The following MARK1 variants were observed in gnomAD, a reference collection of about 807,000 sequenced individuals.
The protein encoded by MARK1 is microtubule affinity regulating kinase 1.
MARK1 carries 40 observed loss-of-function variants against 96.3 expected under a neutral mutation model. The ratio of observed to expected loss-of-function variants is 0.42; its 90% CI spans 0.32 to 0.54. MARK1 has a LOEUF of 0.54. Ranked by LOEUF, MARK1 falls within the 20% of genes least tolerant of loss-of-function variation. MARK1 has a pLI of 0.16. For missense variants in MARK1, 719 were observed against 984.6 expected (o/e 0.73, Z 3.61); for synonymous variants, 317 against 341.2 (o/e 0.93, Z 0.78).
intron 6 of MARK1, among the ~76,000 whole-genome samples, chr1:220,607,783 G>T (rs1022002185): frequency 1.3e-5 from 2 of 152,100 alleles, no homozygotes; most frequent in Admixed American, 6.6e-5. Flanking sequence ...GTTGAATTTT[G>T]TCAAAGGCCT....
rs1667656446 is a variant in MARK1, at chr1:220,631,100, G to A, written c.975G>A (p.Glu325=). 1 of 1,612,762 alleles carries A rather than the reference G, an allele frequency of 6.2e-7. No individual in the cohort carries two copies. The highest frequency in any genetic ancestry group is 1.3e-5 in the African/African-American group (1 of 74,878). ...HEEEELKPYT[E]PDPDFNDTKR... Reference sequence around the variant, plus strand: ...AGGAAGAACTAAAGCCATATACTGAGCCTGATCCGGATTTCAATGACACAA... The same window carrying A: ...AGGAAGAACTAAAGCCATATACTGAACCTGATCCGGATTTCAATGACACAA... The change falls in exon 10 of 18, where the codon GAG becomes GAA. Residue 325 remains glutamate (E), a synonymous_variant. Transcript: ENST00000366917.
intron 5 of MARK1, among the ~76,000 whole-genome samples, chr1:220,601,932 T>C (rs529240762): frequency 3.9e-5 from 6 of 152,330 alleles, no homozygotes; most frequent in Admixed American, 6.5e-5. Context: ...ATTCCTGCGA[T>C]AGGTTTTCTT....
At chr1:220,529,626 C>T (rs1470648618) in intron 1 of MARK1, among the ~76,000 whole-genome samples, 1 of 152,190 alleles carries the variant, frequency 6.6e-6, no homozygotes, top group African/African-American at 2.4e-5. Context: ...TGGAGTGTCA[C>T]AAGGTGCACA....
Position 220,653,140 on chromosome 1 carries a change from C to T in MARK1, c.1776C>T (p.His592=). The part of the protein sequence containing the change: ...QRVPAASPSA[H]SISTATPDRT... ...TGCCTGCTGCTTCCCCATCTGCTCA[C>T]AGTATTAGTACTGCGACTCCAGACC... is the stretch of plus-strand genomic sequence containing the variant. Residue 592 remains histidine, a synonymous_variant, in exon 16 of 18, where the codon CAC becomes CAT. Transcript: ENST00000366917. 1 of 1,614,222 alleles carries T rather than the reference C, an allele frequency of 6.2e-7. No individual in the cohort carries two copies. The highest frequency in any genetic ancestry group is 8.5e-7 in the Non-Finnish European group (1 of 1,180,034).
At chr1:220,545,498 G>A (rs1349155152) in intron 1 of MARK1, among the ~76,000 whole-genome samples, 1 of 133,698 alleles carries the variant, frequency 7.5e-6, no homozygotes, top group African/African-American at 2.8e-5. Context: ...GTGCAGTAGC[G>A]TGATCACAGC....
rs757938937 is a variant in MARK1, at chr1:220,579,524, C to T, written c.222C>T (p.Val74=). 46 of 1,613,852 alleles carry T rather than the reference C, an allele frequency of 2.9e-5. No individual in the cohort carries two copies. The highest frequency in any genetic ancestry group is 3.9e-5 in the Non-Finnish European group (46 of 1,179,948). Residue 74 remains valine, a synonymous_variant, in exon 2 of 18, where the codon GTC becomes GTT. Transcript: ENST00000366917. The part of the protein sequence containing the change: ...KTIGKGNFAK[V]KLARHVLTGR... ...TAGGGAAGGGAAATTTTGCCAAAGT[C>T]AAATTGGCAAGACACGTTCTAACTG...
At chr1:220,620,367 A>C (rs1666987238) in intron 9 of MARK1, among the ~76,000 whole-genome samples, 1 of 152,206 alleles carries the variant, frequency 6.6e-6, no homozygotes, top group African/African-American at 2.4e-5. Context: ...TATCAGTTCT[A>C]AAATAATGAA....
intron 1 of MARK1, among the ~76,000 whole-genome samples, chr1:220,574,308 T>A (rs915538983): frequency 6.6e-6 from 1 of 152,246 alleles, no homozygotes; most frequent in Non-Finnish European, 1.5e-5. Flanking sequence ...TCTAACTGCC[T>A]TGTTCTAATG....
At chr1:220,657,046 T>C (rs1438064475) in intron 16 of MARK1, among the ~76,000 whole-genome samples, 1 of 152,196 alleles carries the variant, frequency 6.6e-6, no homozygotes, top group African/African-American at 2.4e-5. Context: ...TGGTGATTTT[T>C]CCCACTATTT....
At chr1:220,621,934 G>GA (rs1036235247) in intron 9 of MARK1, among the ~76,000 whole-genome samples, 1 of 152,074 alleles carries the variant, frequency 6.6e-6, no homozygotes, top group African/African-American at 2.4e-5. Flanking sequence ...TATCATCTGT[G>GA]AAAATAAAAA....
chr1:220,628,384 A>G (rs971495830), intron 9 of MARK1, among the ~76,000 whole-genome samples: 4 of 151,836 alleles, frequency 2.6e-5, no homozygotes, highest in Non-Finnish European at 2.9e-5. Flanking sequence ...TTCCTCACCA[A>G]TCCATTTACT....
chr1:220,644,010 C>G (rs1452343014), intron 13 of MARK1, among the ~76,000 whole-genome samples: 1 of 152,108 alleles, frequency 6.6e-6, no homozygotes, highest in African/African-American at 2.4e-5. Flanking sequence ...ACTACGTTAA[C>G]AAGTCTGCAA....
In MARK1 at chr1:220,586,013, G is replaced by GCGCGCGCGCA. The variant is rs1553323003; in HGVS notation, c.309+4901_309+4902insCGCACGCGCG. 8.2e-3 allele frequency among the ~76,000 whole-genome samples: 437 copies of GCGCGCGCGCA among 53,054 alleles called. 8 individuals carry two copies. In the South Asian group the frequency reaches 0.09, roughly 11 times the overall value. 34.8% of individuals were successfully genotyped at this position (53,054 alleles called of 152,430 possible). ...CACACACACACACACACACACACACGCGCGCGTGCGCAGAGAGAGAGAGTT... is the reference window on the plus strand; with the variant it reads ...CACACACACACACACACACACACACGCGCGCGCGCACGCGCGTGCGCAGAGAGAGAGAGTT... On this transcript the variant is annotated intron_variant, in intron 3 of 17. Coordinates refer to ENST00000366917, the MANE Select transcript of MARK1 (RefSeq NM_018650.5).
In MARK1 at chr1:220,572,335, G is replaced by A. The variant is rs555950009; in HGVS notation, c.52-7019G>A. Among the ~76,000 whole-genome samples, 464 of 152,176 alleles carry A rather than the reference G, an allele frequency of 3.0e-3. 4 individuals carry two copies. Among genetic ancestry groups the A allele is most frequent in the African/African-American group, 0.011 (443 of 41,516 alleles). ...CTGCTCACCACAACCTCTGCTTCCCGGGTTCAAGCAATTCTCCTGCCTTAG... is the reference window on the plus strand; with the variant it reads ...CTGCTCACCACAACCTCTGCTTCCCAGGTTCAAGCAATTCTCCTGCCTTAG... On this transcript the variant is annotated intron_variant, in intron 1 of 17. Transcript: ENST00000366917.
intron 1 of MARK1, among the ~76,000 whole-genome samples, chr1:220,550,665 T>TCCTGTGTCC (rs924852374): frequency 1.3e-5 from 2 of 152,228 alleles, no homozygotes; most frequent in African/African-American, 4.8e-5. Context: ...ATTCTGTTTG[T>TCCTGTGTCC]CCTGTGTCCC....
intron 1 of MARK1, among the ~76,000 whole-genome samples, chr1:220,562,380 G>C (rs796907360): frequency 1.2e-4 from 19 of 152,298 alleles, no homozygotes; most frequent in African/African-American, 4.6e-4. Flanking sequence ...TGAGTCACGA[G>C]AATCACTTGA....
At chr1:220,561,357 C>A (rs1360765559) in intron 1 of MARK1, among the ~76,000 whole-genome samples, 1 of 151,946 alleles carries the variant, frequency 6.6e-6, no homozygotes, top group African/African-American at 2.4e-5. Context: ...TAAAACATTA[C>A]GAGAATTTCT....
chr1:220,587,134 T>TA lies in MARK1; in HGVS notation c.309+6017dup, dbSNP rs774835637. On this transcript the variant is annotated intron_variant, in intron 3 of 17. Transcript: ENST00000366917. ...ACTTAAATTTTTAAAAACTTTTTTTTACATATGATTGTACTTAAAATACAG... is the reference window on the plus strand; with the variant it reads ...ACTTAAATTTTTAAAAACTTTTTTTTAACATATGATTGTACTTAAAATACAG... Among the ~76,000 whole-genome samples, 179 of 152,190 alleles carry TA rather than the reference T, an allele frequency of 1.2e-3. 1 individual carries two copies. Among genetic ancestry groups the TA allele is most frequent in the Non-Finnish European group, 2.3e-3 (155 of 68,024 alleles).
chr1:220,632,827 C>T (rs1667744121), intron 11 of MARK1, among the ~76,000 whole-genome samples: 3 of 152,186 alleles, frequency 2.0e-5, no homozygotes. Flanking sequence ...GAGATGGATT[C>T]AGGAAATAAC....
Sources: allele counts gnomAD v4.1 joint callset (sites outside exome capture counted in the v4.1 genomes callset), GRCh38; gene constraint gnomAD v4.1.1; transcripts MANE v1.5; gene names NCBI Gene and HGNC (gene_info 2026-07-23, HGNC 2026-07-21).